BCO1: variants seen among roughly 807,000 people sequenced by gnomAD.
The protein encoded by BCO1 is beta,beta-carotene 15,15'-dioxygenase.
Under a neutral mutation model 56.3 loss-of-function variants are expected in BCO1, and 54 were observed. That is an observed-to-expected ratio of 0.96 (90% CI 0.77 to 1.20). The LOEUF is 1.20. Among genes scored for constraint, BCO1 ranks in the 50% most tolerant of loss-of-function variants. The pLI is 0.00. For missense variants in BCO1, 801 were observed against 690.9 expected, an observed-to-expected ratio of 1.16 and a Z score of -1.79; for synonymous variants, 318 against 266.1, an observed-to-expected ratio of 1.20 and a Z score of -1.90.
At chr16:81,254,183 C>G (rs1250017515) in intron 2 of BCO1, among the ~76,000 whole-genome samples, 1 of 151,744 alleles carries the variant, frequency 6.6e-6, no homozygotes, top group Admixed American at 6.6e-5. Flanking sequence ...GGCAGGAGTT[C>G]AATGGCACAG....
intron 7 of BCO1, among the ~76,000 whole-genome samples, chr16:81,276,036 A>T (rs913132934): frequency 2.0e-5 from 3 of 152,216 alleles, no homozygotes. Context: ...AGGGGCATTC[A>T]CAGGAGGAAG....
At chr16:81,243,114 C>T (rs1905212936) in intron 1 of BCO1, among the ~76,000 whole-genome samples, 1 of 152,200 alleles carries the variant, frequency 6.6e-6, no homozygotes, top group Middle Eastern at 3.4e-3. Flanking sequence ...ACAGCTAATG[C>T]ATAAGGGAGA....
At chr16:81,250,433 A>G (rs1905717600) in intron 2 of BCO1, among the ~76,000 whole-genome samples, 1 of 152,030 alleles carries the variant, frequency 6.6e-6, no homozygotes, top group African/African-American at 2.4e-5. Context: ...CCATTGTCTA[A>G]TGGTGGGAAG....
chr16:81,254,907 C>T (rs1402948735), intron 2 of BCO1, among the ~76,000 whole-genome samples: 1 of 152,146 alleles, frequency 6.6e-6, no homozygotes, highest in African/African-American at 2.4e-5. Context: ...AGTGATCCTC[C>T]CGCCTCAGCC....
intron 2 of BCO1, among the ~76,000 whole-genome samples, chr16:81,257,373 T>C (rs1434814535): frequency 6.6e-6 from 1 of 152,054 alleles, no homozygotes; most frequent in African/African-American, 2.4e-5. Flanking sequence ...CAGGCAATTC[T>C]GTCTCCTCAG....
chr16:81,262,849 A>C (rs1175947513), intron 4 of BCO1: 5 of 155,662 alleles, frequency 3.2e-5, no homozygotes, highest in Admixed American at 1.2e-4. Flanking sequence ...AAAAAAAAAA[A>C]AAAAAAACAA....
intron 7 of BCO1, among the ~76,000 whole-genome samples, chr16:81,278,015 G>T (rs1053461735): frequency 6.6e-6 from 1 of 152,080 alleles, no homozygotes; most frequent in Non-Finnish European, 1.5e-5. Context: ...AGCCATGGAG[G>T]TGGAGGCATT....
At chr16:81,269,552 C>T (rs1477607013) in intron 6 of BCO1, among the ~76,000 whole-genome samples, 1 of 152,146 alleles carries the variant, frequency 6.6e-6, no homozygotes, top group Non-Finnish European at 1.5e-5. Flanking sequence ...ACTGCACCCT[C>T]CACCTCCTGG....
chr16:81,253,117 A>C (rs1905912900), intron 2 of BCO1, among the ~76,000 whole-genome samples: 1 of 152,106 alleles, frequency 6.6e-6, no homozygotes, highest in South Asian at 2.1e-4. Context: ...TCAAATATAA[A>C]AAATAAAGAT....
At chr16:81,265,235 C>T (rs1046991018) in intron 5 of BCO1, among the ~76,000 whole-genome samples, 5 of 151,274 alleles carry the variant, frequency 3.3e-5, no homozygotes, top group African/African-American at 1.2e-4. Flanking sequence ...ACCCATCCAC[C>T]TATCCACCCC....
chr16:81,261,282 A>T (rs74029097), intron 3 of BCO1, among the ~76,000 whole-genome samples: 1 of 152,150 alleles, frequency 6.6e-6, no homozygotes, highest in South Asian at 2.1e-4. Context: ...GGATTTGCCA[A>T]TTTCATCACC....
At position 81,259,681 on chromosome 16, in the gene BCO1, G is replaced by A; in HGVS notation, c.199G>A (p.Val67Ile). The change falls in exon 3 of 11, where the codon GTC becomes ATC. Residue 67 changes from valine (V) to isoleucine (I), a missense_variant. Physicochemically the swap from Val to Ile is conservative, Grantham distance 29. Transcript: ENST00000258168. Reference sequence around the variant, plus strand: ...TGCTGGTTCTTCTCTTGCAGGTGAAGTCTATTACAGGAGCAAATACCTGAG... The same window carrying A: ...TGCTGGTTCTTCTCTTGCAGGTGAAATCTATTACAGGAGCAAATACCTGAG... ...LHSFTIRDGE[V>I]YYRSKYLRSD... 6.2e-7 allele frequency: 1 copy of A among 1,614,180 alleles called. No homozygotes were observed. The highest frequency in any genetic ancestry group is 8.5e-7 in the Non-Finnish European group (1 of 1,180,024).
chr16:81,253,581 T>G (rs762925714), intron 2 of BCO1, among the ~76,000 whole-genome samples: 36 of 152,156 alleles, frequency 2.4e-4, no homozygotes, highest in Non-Finnish European at 4.4e-4. Context: ...AAGCATGAAC[T>G]CAGGGCCTGG....
intron 2 of BCO1, among the ~76,000 whole-genome samples, chr16:81,255,530 C>T (rs555152184): frequency 2.6e-5 from 4 of 151,136 alleles, no homozygotes; most frequent in South Asian, 2.1e-4. Flanking sequence ...GATGGAGTCT[C>T]GCTCTGTTGC....
At chr16:81,266,682 G>A (rs755308724) in intron 5 of BCO1, among the ~76,000 whole-genome samples, 39 of 152,250 alleles carry the variant, frequency 2.6e-4, no homozygotes, top group Middle Eastern at 3.4e-3. Flanking sequence ...TACAGAGGAG[G>A]ACTGTGAGGC....
At chr16:81,252,693 C>A (rs377583756) in intron 2 of BCO1, among the ~76,000 whole-genome samples, 1 of 152,190 alleles carries the variant, frequency 6.6e-6, no homozygotes, top group African/African-American at 2.4e-5. Context: ...TTAAGTGGGC[C>A]TCTGTCTCCA....
chr16:81,273,798 G>C (rs1907386728), intron 7 of BCO1, among the ~76,000 whole-genome samples: 1 of 152,244 alleles, frequency 6.6e-6, no homozygotes, highest in Admixed American at 6.5e-5. Context: ...GCTCCAGCCA[G>C]AGGGCTGTGG....
chr16:81,259,245 G>A (rs140226183), intron 2 of BCO1, among the ~76,000 whole-genome samples: 5,391 of 152,216 alleles, frequency 0.035, 299 homozygotes, highest in African/African-American at 0.12. Flanking sequence ...TGTAATTTCA[G>A]CACTTTGGGA....
intron 7 of BCO1, among the ~76,000 whole-genome samples, chr16:81,273,849 A>G (rs1907389626): frequency 1.3e-5 from 2 of 152,168 alleles, no homozygotes; most frequent in African/African-American, 4.8e-5. Flanking sequence ...GCCAAGTTTT[A>G]AAAGTATTAG....
Sources: allele counts gnomAD v4.1 joint callset (sites outside exome capture counted in the v4.1 genomes callset), GRCh38; gene constraint gnomAD v4.1.1; transcripts MANE v1.5; gene names NCBI Gene and HGNC (gene_info 2026-07-23, HGNC 2026-07-21).